The following EBPL variants were observed in gnomAD, a reference collection of about 807,000 sequenced individuals.
EBPL encodes emopamil-binding protein-like.
Under a neutral mutation model 19.0 loss-of-function variants are expected in EBPL, and 20 were observed. That is an observed-to-expected ratio of 1.05 (90% CI 0.74 to 1.53). EBPL has a LOEUF of 1.53. Among genes scored for constraint, EBPL ranks in the 40% most tolerant of loss-of-function variants. EBPL has a pLI of 0.00. For synonymous variants in EBPL, 107 were observed against 117.0 expected (o/e 0.91, Z 0.55); for missense variants, 219 against 261.1 (o/e 0.84, Z 1.11).
At chr13:49,688,718 CAAAA>C (rs56059575) in intron 1 of EBPL, among the ~76,000 whole-genome samples, 39 of 95,382 alleles carry the variant, frequency 4.1e-4, no homozygotes, top group South Asian at 3.6e-4. Context: ...GACTCCGTCT[CAAAA>C]AAAAAAAAAA....
chr13:49,690,222 T>A (rs1056063690), intron 1 of EBPL, among the ~76,000 whole-genome samples: 1 of 149,382 alleles, frequency 6.7e-6, no homozygotes, highest in South Asian at 2.1e-4. Flanking sequence ...AGAGAAACAT[T>A]CACTGTCCCT....
chr13:49,676,701 A>C (rs1394079947), intron 1 of EBPL, among the ~76,000 whole-genome samples: 1 of 152,160 alleles, frequency 6.6e-6, no homozygotes, highest in African/African-American at 2.4e-5. Context: ...ATCACTCACC[A>C]GACTGCATGA....
At chr13:49,683,291 C>A (rs959450503) in intron 1 of EBPL, among the ~76,000 whole-genome samples, 7 of 151,864 alleles carry the variant, frequency 4.6e-5, no homozygotes, top group African/African-American at 1.7e-4. Flanking sequence ...CCTTGGGAGG[C>A]CGAGGCGGGC....
Position 49,660,875 on chromosome 13 carries a change from G to A in EBPL, c.*93C>T, listed in dbSNP as rs1198653409. On this transcript the variant is annotated 3_prime_UTR_variant, in exon 4 of 4. Transcript: ENST00000242827. Reference sequence around the variant, plus strand: ...AGGAGCAACAATACAAAAACAAAGTGTAGACTGGAATGTATTACATTTTGG... The same window carrying A: ...AGGAGCAACAATACAAAAACAAAGTATAGACTGGAATGTATTACATTTTGG... The A allele has an allele frequency of 1.8e-6, 2 of 1,134,884 alleles. No individual in the cohort carries two copies. The highest frequency in any genetic ancestry group is 2.2e-5 in the Admixed American group (1 of 45,084). The allele number at this position is 1,134,884 out of a possible 1,614,324, so 70.3% of individuals were successfully genotyped here. A position where few individuals can be genotyped will look rare whatever the true frequency, so the allele number is the denominator to read the frequency against.
intron 1 of EBPL, 68 bp downstream of exon 1, chr13:49,691,186 C>T (rs1954059616): frequency 1.6e-6 from 2 of 1,241,512 alleles, no homozygotes; most frequent in South Asian, 3.6e-5. Context: ...GACCCCCTCA[C>T]CCCGCCTTGC....
chr13:49,680,680 C>T (rs987567036), intron 1 of EBPL, among the ~76,000 whole-genome samples: 3 of 151,940 alleles, frequency 2.0e-5, no homozygotes, highest in Non-Finnish European at 2.9e-5. Context: ...AAATTAGCTG[C>T]GCGTGGTGGC....
chr13:49,687,174 A>T (rs1232775109), intron 1 of EBPL, among the ~76,000 whole-genome samples: 1 of 152,210 alleles, frequency 6.6e-6, no homozygotes, highest in East Asian at 1.9e-4. Flanking sequence ...CTTAGTTAAC[A>T]TGATCACCAT....
chr13:49,684,439 G>A (rs929160530), intron 1 of EBPL, among the ~76,000 whole-genome samples: 4 of 152,242 alleles, frequency 2.6e-5, no homozygotes, highest in Admixed American at 2.0e-4. Context: ...GGGAGGCCGA[G>A]GCAGCTGGAT....
chr13:49,682,602 A>G (rs1271614261), intron 1 of EBPL, among the ~76,000 whole-genome samples: 2 of 152,222 alleles, frequency 1.3e-5, no homozygotes, highest in Non-Finnish European at 2.9e-5. Context: ...ACCAATACAG[A>G]ATCTTGGATG....
intron 2 of EBPL, among the ~76,000 whole-genome samples, chr13:49,669,279 C>A (rs1466069936): frequency 6.6e-6 from 1 of 152,096 alleles, no homozygotes; most frequent in Non-Finnish European, 1.5e-5. Flanking sequence ...TGACTCAATG[C>A]AGCCTTGAAC....
At position 49,680,623 on chromosome 13, in the gene EBPL, A is replaced by G. The variant is rs150379876; in HGVS notation, c.171+10631T>C. On this transcript the variant is annotated intron_variant, in intron 1 of 3. Transcript: ENST00000242827. ...CAGATCACAATGTCAGGAGATCGAG[A>G]CCATCCTGGCCATCATGGTGAAACC... Among the ~76,000 whole-genome samples the G allele has an allele frequency of 3.2e-3, 481 of 152,340 alleles. 2 individuals are homozygous for G. The highest frequency in any genetic ancestry group is 0.011 in the African/African-American group (461 of 41,570).
chr13:49,683,077 T>C (rs2137507745), intron 1 of EBPL, among the ~76,000 whole-genome samples: 1 of 152,178 alleles, frequency 6.6e-6, no homozygotes. Flanking sequence ...AGGTTCAAGC[T>C]ATTCTCACGC....
chr13:49,687,666 C>T (rs1954013214), intron 1 of EBPL, among the ~76,000 whole-genome samples: 1 of 152,106 alleles, frequency 6.6e-6, no homozygotes, highest in East Asian at 1.9e-4. Flanking sequence ...TATGGACAGG[C>T]CACCACCAGC....
intron 1 of EBPL, among the ~76,000 whole-genome samples, chr13:49,678,926 C>T (rs915382637): frequency 2.0e-5 from 3 of 148,764 alleles, no homozygotes; most frequent in Non-Finnish European, 4.4e-5. Context: ...GCACAAGAAT[C>T]GCCTGAACCT....
intron 1 of EBPL, among the ~76,000 whole-genome samples, chr13:49,679,210 T>C (rs1566319608): frequency 6.6e-6 from 1 of 152,190 alleles, no homozygotes; most frequent in Non-Finnish European, 1.5e-5. Flanking sequence ...ACTTTCTTTC[T>C]TCTCCCTTAA....
At chr13:49,675,368 C>T (rs1456730183) in intron 1 of EBPL, among the ~76,000 whole-genome samples, 1 of 152,214 alleles carries the variant, frequency 6.6e-6, no homozygotes, top group Non-Finnish European at 1.5e-5. Context: ...TTTTTCAGCT[C>T]CATCATAATC....
rs1594401272 is a variant in EBPL at position 49,660,870 on chromosome 13, A to G, written c.*98T>C. 5 of 1,101,436 alleles carry G rather than the reference A, an allele frequency of 4.5e-6. No individual in the cohort carries two copies. The highest frequency in any genetic ancestry group is 4.8e-5 in the East Asian group (2 of 41,780). 68.2% of individuals were successfully genotyped at this position (1,101,436 alleles called of 1,614,324 possible). A position where few individuals can be genotyped will look rare whatever the true frequency, so the allele number is the denominator to read the frequency against. ...TGTTCAGGAGCAACAATACAAAAAC[A>G]AAGTGTAGACTGGAATGTATTACAT... On this transcript the variant is annotated 3_prime_UTR_variant, in exon 4 of 4. Coordinates refer to ENST00000242827, the MANE Select transcript of EBPL (RefSeq NM_032565.5).
intron 1 of EBPL, among the ~76,000 whole-genome samples, chr13:49,690,964 AG>A (rs1172783847): frequency 2.0e-5 from 3 of 152,222 alleles, no homozygotes; most frequent in Non-Finnish European, 4.4e-5. Context: ...CAGGTTACAA[AG>A]CCGAGGAAGC....
chr13:49,664,806 G>C (rs1036245433), intron 2 of EBPL, among the ~76,000 whole-genome samples: 2 of 151,972 alleles, frequency 1.3e-5, no homozygotes, highest in African/African-American at 2.4e-5. Flanking sequence ...CTAACAAAAG[G>C]CTGTCCTAAG....
Sources: gnomAD v4.1 joint callset for allele counts (sites outside exome capture counted in the v4.1 genomes callset) on GRCh38, gnomAD v4.1.1 for gene constraint, MANE v1.5 for transcripts, NCBI Gene and HGNC (gene_info 2026-07-23, HGNC 2026-07-21) for gene names.